The following SASH1 variants were observed in gnomAD, a reference collection of about 807,000 sequenced individuals.
SASH1 encodes the protein SAM and SH3 domain containing 1.
SASH1 carries 44 observed loss-of-function variants against 125.2 expected under a neutral mutation model. The observed-to-expected ratio is 0.35, with a 90% confidence interval of 0.28 to 0.45. The LOEUF (loss-of-function observed/expected upper bound fraction) is 0.45, where lower values mean the gene tolerates loss of function less well. Among genes scored for constraint, SASH1 ranks in the 20% least tolerant of loss-of-function variants. The pLI, the probability that SASH1 is intolerant of heterozygous loss-of-function variation, is 1.00. For missense variants in SASH1, 1,426 were observed against 1,614.5 expected (o/e 0.88, Z 2.00); for synonymous variants, 639 against 649.1 (o/e 0.98, Z 0.24).
chr6:148,486,856 A>G (rs1240056498), intron 7 of SASH1, among the ~76,000 whole-genome samples: 1 of 145,400 alleles, frequency 6.9e-6, no homozygotes, highest in East Asian at 2.0e-4. Flanking sequence ...TGGGAGGTCA[A>G]ATCTGCAGTG....
In SASH1 at chr6:148,519,841, G is replaced by T; in HGVS notation, c.1157G>T (p.Arg386Leu). The change falls in exon 10 of 20, where the codon CGC becomes CTC. Residue 386 changes from arginine to leucine, a missense_variant. Arg to Leu is a moderately radical substitution (Grantham distance 102). This residue lies in a region of SASH1 where 567 missense variants were observed against 575.6 expected (regional missense o/e 0.99). Coordinates refer to ENST00000367467, the MANE Select transcript of SASH1 (RefSeq NM_015278.5). This position sits in a 1 kb window ranked among gnomAD's most constrained non-coding sequence, Gnocchi z 4.8. ...PEEEKAQKVS[R>L]SLTEGEMKKG... ...GAAGAAAAGGCCCAGAAAGTGTCCCGCTCCCTCACCGAGGGGGAGATGAAG... is the reference window on the plus strand; with the variant it reads ...GAAGAAAAGGCCCAGAAAGTGTCCCTCTCCCTCACCGAGGGGGAGATGAAG... 6.2e-7 allele frequency: 1 copy of T among 1,608,056 alleles called. No individual in the cohort carries two copies. The highest frequency in any genetic ancestry group is 8.5e-7 in the Non-Finnish European group (1 of 1,177,644).
the SASH1 span, among the ~76,000 whole-genome samples, chr6:148,234,775 C>T: frequency 0.071 from 10,669 of 150,798 alleles, 438 homozygotes; most frequent in Middle Eastern, 0.091. Flanking sequence ...TGCAATGAGC[C>T]GAGACTGCGC....
At chr6:148,371,106 C>T (rs1008613212) in intron 1 of SASH1, among the ~76,000 whole-genome samples, 10 of 152,148 alleles carry the variant, frequency 6.6e-5, no homozygotes, top group Non-Finnish European at 1.3e-4. Context: ...AATCTCCCTT[C>T]CCTCCTCCAT....
intron 1 of SASH1, among the ~76,000 whole-genome samples, chr6:148,293,721 G>C (rs1199847505): frequency 1.3e-5 from 2 of 152,190 alleles, no homozygotes; most frequent in Non-Finnish European, 2.9e-5. Context: ...GGTGCTGTGA[G>C]TTGGAATCCT....
chr6:148,269,692 C>T (rs1003754518), upstream of SASH1, among the ~76,000 whole-genome samples: 4 of 152,034 alleles, frequency 2.6e-5, no homozygotes, highest in African/African-American at 7.3e-5. Flanking sequence ...TAATTACCTC[C>T]GTAAAGATCC....
At chr6:148,438,277 GT>G (rs1217749484) in intron 2 of SASH1, among the ~76,000 whole-genome samples, 1 of 152,202 alleles carries the variant, frequency 6.6e-6, no homozygotes, top group Non-Finnish European at 1.5e-5. Context: ...TGCCATTTAA[GT>G]TTGTAAATTT....
chr6:148,534,825 G>C lies in SASH1; in HGVS notation c.2019G>C (p.Leu673Phe). 6.2e-7 allele frequency: 1 copy of C among 1,614,178 alleles called. No individual in the cohort carries two copies. The highest frequency in any genetic ancestry group is 1.6e-4 in the Middle Eastern group (1 of 6,062). Residue 673 changes from leucine to phenylalanine, a missense_variant, in exon 16 of 20, where the codon TTG becomes TTC. This residue lies in a region of SASH1 where 225 missense variants were observed against 344.5 expected (regional missense o/e 0.65). Coordinates refer to ENST00000367467, the MANE Select transcript of SASH1 (RefSeq NM_015278.5). ...DTFKLLEEEDLDELNIRDPEH... is the reference protein window; with the variant it reads ...DTFKLLEEEDFDELNIRDPEH... Reference sequence around the variant, plus strand: ...TTAAGCTGCTGGAGGAGGAAGACTTGGATGAGTTAAATATCAGGGACCCGG... The same window carrying C: ...TTAAGCTGCTGGAGGAGGAAGACTTCGATGAGTTAAATATCAGGGACCCGG...
chr6:148,379,846 A>G (rs1453998299), intron 1 of SASH1: 2 of 451,090 alleles, frequency 4.4e-6, no homozygotes, highest in Non-Finnish European at 9.0e-6. Flanking sequence ...TGGGGAGCAT[A>G]TGTTAAAGAG....
intron 2 of SASH1, among the ~76,000 whole-genome samples, chr6:148,420,570 C>T (rs2114939298): frequency 1.3e-5 from 2 of 152,222 alleles, no homozygotes; most frequent in South Asian, 4.1e-4. Context: ...ATATGTATAC[C>T]ATATACCAAA....
chr6:148,440,251 T>C lies in SASH1; in HGVS notation c.336+17T>C, dbSNP rs965312075. 3 of 1,613,930 alleles carry C rather than the reference T, an allele frequency of 1.9e-6. No homozygotes were observed. In the African/African-American group the frequency reaches 4.0e-5, roughly 22 times the overall value. ...CAGATCGAAGTAAGCACAATGACTT[T>C]AATCATCTAGTTTTGCTTCTGCCTT... On this transcript the variant is annotated intron_variant, in intron 3 of 19. Coordinates refer to ENST00000367467, the MANE Select transcript of SASH1 (RefSeq NM_015278.5).
chr6:148,465,907 C>A (rs1322630450), intron 4 of SASH1, among the ~76,000 whole-genome samples: 3 of 152,072 alleles, frequency 2.0e-5, no homozygotes, highest in Non-Finnish European at 2.9e-5. Flanking sequence ...CCTCCCCTTC[C>A]CCCTCGTCAT....
In SASH1 at chr6:148,480,985, CAT is replaced by C. The variant is rs780058437; in HGVS notation, c.628-6626_628-6625del. Among the ~76,000 whole-genome samples, 60 of 150,362 alleles carry C rather than the reference CAT, an allele frequency of 4.0e-4. 2 individuals are homozygous for C. Among genetic ancestry groups the C allele is most frequent in the Non-Finnish European group, 7.7e-4 (52 of 67,354 alleles). ...ATAGCTTTATGATGGATAATTAACA[CAT>C]ATGCTTTAAGGAAGTCGAGCTCATT... On this transcript the variant is annotated intron_variant, in intron 7 of 19. Transcript: ENST00000367467.
the SASH1 span, among the ~76,000 whole-genome samples, chr6:148,215,617 G>A: frequency 6.6e-6 from 1 of 152,060 alleles, no homozygotes; most frequent in East Asian, 1.9e-4. Context: ...CTTTAAAAAT[G>A]GGATTCTCAG....
chr6:148,417,145 G>A (rs1484108572), intron 2 of SASH1, among the ~76,000 whole-genome samples: 1 of 152,156 alleles, frequency 6.6e-6, no homozygotes, highest in Non-Finnish European at 1.5e-5. Context: ...ACCAGAACAA[G>A]GCCTTGCAAA....
chr6:148,410,825 C>T (rs2114907520), intron 2 of SASH1, among the ~76,000 whole-genome samples: 1 of 152,124 alleles, frequency 6.6e-6, no homozygotes, highest in East Asian at 1.9e-4. Context: ...ACAGGCTACC[C>T]AGTAGTAGAA....
chr6:148,305,444 G>A (rs1057398568), intron 1 of SASH1, among the ~76,000 whole-genome samples: 2 of 152,074 alleles, frequency 1.3e-5, no homozygotes. Context: ...TCAATACGGT[G>A]AAACCCCATC....
At chr6:148,305,623 CAAAAAAAA>C (rs59521298) in intron 1 of SASH1, among the ~76,000 whole-genome samples, 2 of 104,378 alleles carry the variant, frequency 1.9e-5, no homozygotes, top group East Asian at 3.0e-4. Flanking sequence ...GACTCTGACT[CAAAAAAAA>C]AAAAAAAAAA....
Position 148,519,473 on chromosome 6 carries a change from TG to T in SASH1, c.863-72del. On this transcript the variant is annotated intron_variant, in intron 9 of 19. Coordinates refer to ENST00000367467, the MANE Select transcript of SASH1 (RefSeq NM_015278.5). This position sits in a 1 kb window ranked among gnomAD's most constrained non-coding sequence, Gnocchi z 4.8. ...AAGAGGGTCATGATACGGAGAAAGG[TG>T]GTGAATGTAAAGAAAGATGTATGCA... 9.3e-7 allele frequency: 1 copy of T among 1,070,804 alleles called. No homozygotes were observed. Among genetic ancestry groups the T allele is most frequent in the Non-Finnish European group, 1.4e-6 (1 of 718,694 alleles). 66.3% of individuals were successfully genotyped at this position (1,070,804 alleles called of 1,614,324 possible).
intron 1 of SASH1, among the ~76,000 whole-genome samples, chr6:148,286,235 T>A (rs966196789): frequency 6.6e-6 from 1 of 151,806 alleles, no homozygotes; most frequent in South Asian, 2.1e-4. Context: ...AATAAAATAA[T>A]TTTTAAAATA....
Sources: allele counts gnomAD v4.1 joint callset (sites outside exome capture counted in the v4.1 genomes callset), GRCh38; gene constraint gnomAD v4.1.1; regional missense constraint gnomAD v4.1.1; non-coding constraint Gnocchi (gnomAD v3.1); transcripts MANE v1.5; gene names NCBI Gene and HGNC (gene_info 2026-07-23, HGNC 2026-07-21).